ANKRD11: variants seen among roughly 807,000 people sequenced by gnomAD.
ANKRD11 encodes ankyrin repeat domain-containing protein 11.
ANKRD11 carries 17 observed loss-of-function variants against 195.7 expected under a neutral mutation model. The observed-to-expected ratio is 0.09, with a 90% CI of 0.06 to 0.13. The LOEUF (loss-of-function observed/expected upper bound fraction) is 0.13. Ranked by LOEUF, ANKRD11 falls within the 10% of genes least tolerant of loss-of-function variation. The pLI, the probability that ANKRD11 is intolerant of heterozygous loss-of-function variation, is 1.00. For synonymous variants in ANKRD11, 1,953 were observed against 1,528.1 expected (o/e 1.28, Z -6.49); for missense variants, 3,735 against 3,566.1 (o/e 1.05, Z -1.21).
rs747332361 is a variant in ANKRD11, at chr16:89,279,162, C to A, written c.7380G>T (p.Pro2460=). 6.2e-7 allele frequency: 1 copy of A among 1,613,310 alleles called. No homozygotes were observed. Residue 2460 remains proline (P), a synonymous_variant, in exon 9 of 13, where the codon CCG becomes CCT. Transcript: ENST00000301030. The surrounding 1 kb of genome is among the most constrained non-coding windows in gnomAD (Gnocchi z 5.6). The part of the protein sequence containing the change: ...EKRKILCCIT[P]QAPQCYAEYV... Reference sequence around the variant, plus strand: ...ACTCGGCGTAGCACTGGGGCGCCTGCGGCGTGATACAGCACAGGATCTTGC... The same window carrying A: ...ACTCGGCGTAGCACTGGGGCGCCTGAGGCGTGATACAGCACAGGATCTTGC...
intron 2 of ANKRD11, among the ~76,000 whole-genome samples, chr16:89,347,391 C>G (rs754687096): frequency 1.3e-5 from 2 of 152,078 alleles, no homozygotes; most frequent in African/African-American, 4.8e-5. Flanking sequence ...AGGCGGATCA[C>G]GAGGTCAGGA....
At chr16:89,487,725 G>C (rs1335851913) in intron 1 of ANKRD11, among the ~76,000 whole-genome samples, 3 of 152,158 alleles carry the variant, frequency 2.0e-5, no homozygotes, top group Non-Finnish European at 4.4e-5. Flanking sequence ...AATGAGCCAA[G>C]ATTGCGCCAC....
chr16:89,316,403 G>A (rs1048294960), intron 3 of ANKRD11, among the ~76,000 whole-genome samples: 1 of 152,088 alleles, frequency 6.6e-6, no homozygotes, highest in Non-Finnish European at 1.5e-5. Flanking sequence ...CGCCAATACT[G>A]CAGGACAGGA....
At chr16:89,410,849 C>A (rs1323680871) in intron 2 of ANKRD11, among the ~76,000 whole-genome samples, 2 of 152,226 alleles carry the variant, frequency 1.3e-5, no homozygotes, top group African/African-American at 4.8e-5. Flanking sequence ...CCAACTGTGG[C>A]CAGGGCAAGA....
intron 1 of ANKRD11, among the ~76,000 whole-genome samples, chr16:89,458,549 C>T (rs2056535469): frequency 6.6e-6 from 1 of 152,192 alleles, no homozygotes; most frequent in Non-Finnish European, 1.5e-5. Flanking sequence ...TTAGGAATAA[C>T]ATTTTACATT....
chr16:89,484,575 G>A (rs1307275562), intron 1 of ANKRD11, among the ~76,000 whole-genome samples: 3 of 152,286 alleles, frequency 2.0e-5, no homozygotes, highest in African/African-American at 4.8e-5. Context: ...AAGAGCCATA[G>A]GGAGTCGAGG....
chr16:89,460,488 G>A (rs896875785), intron 1 of ANKRD11, among the ~76,000 whole-genome samples: 8 of 152,138 alleles, frequency 5.3e-5, no homozygotes, highest in South Asian at 2.1e-4. Flanking sequence ...GAACTTGGGA[G>A]GTGGGGGATG....
intron 2 of ANKRD11, among the ~76,000 whole-genome samples, chr16:89,346,091 A>C (rs764768652): frequency 3.3e-5 from 5 of 151,778 alleles, no homozygotes; most frequent in Admixed American, 1.3e-4. Flanking sequence ...ACAACACAAA[A>C]AAAAAAAATT....
At chr16:89,371,127 C>T (rs888945393) in intron 2 of ANKRD11, among the ~76,000 whole-genome samples, 9 of 152,262 alleles carry the variant, frequency 5.9e-5, no homozygotes, top group African/African-American at 1.2e-4. Context: ...GAAGACGGGA[C>T]GAGCGTCTTG....
Position 89,288,635 on chromosome 16 carries a change from A to G in ANKRD11, c.637T>C (p.Tyr213His). ...AGCAGCTGCTTCGCGACGTCGTAGT[A>G]GCCCCGGTTACAGGCCTCGTGCAGC... Reference protein sequence around the residue: ...TALHEACNRGYYDVAKQLLAA... With the variant: ...TALHEACNRGHYDVAKQLLAA... Residue 213 changes from tyrosine (Y) to histidine (H), a missense_variant, in exon 7 of 13, where the codon TAC becomes CAC. Tyr to His is a moderately conservative substitution (Grantham distance 83). Coordinates refer to ENST00000301030, the MANE Select transcript of ANKRD11 (RefSeq NM_013275.6). 1.9e-6 allele frequency: 3 copies of G among 1,614,086 alleles called. No homozygotes were observed. The highest frequency in any genetic ancestry group is 2.5e-6 in the Non-Finnish European group (3 of 1,180,026).
chr16:89,354,108 G>A (rs1009979905), intron 2 of ANKRD11, among the ~76,000 whole-genome samples: 35 of 152,132 alleles, frequency 2.3e-4, no homozygotes, highest in African/African-American at 6.8e-4. Flanking sequence ...CTCAGGTGCC[G>A]CCTGCAAGGT....
At chr16:89,319,153 C>T (rs2353033) in intron 2 of ANKRD11, among the ~76,000 whole-genome samples, 78,268 of 152,150 alleles carry the variant, frequency 0.51, 20,631 homozygotes, top group Middle Eastern at 0.68. Flanking sequence ...GTCCACCGTC[C>T]TGATCCCAGA....
At chr16:89,459,583 T>C (rs1251296792) in intron 1 of ANKRD11, 1 of 152,242 alleles carries the variant, frequency 6.6e-6, no homozygotes, top group East Asian at 1.9e-4. Context: ...CTGCATAATA[T>C]GTTTGGTAAA....
rs918068073 is a variant in ANKRD11 at position 89,279,723 on chromosome 16, G to A, written c.6819C>T (p.Gly2273=). ...CTTGTGCCACAGTGTTCGGGGCGGGGCCGTCAGGGGCACAGAGGGACGCGG... is the reference window on the plus strand; with the variant it reads ...CTTGTGCCACAGTGTTCGGGGCGGGACCGTCAGGGGCACAGAGGGACGCGG... ...PPAASLCAPD[G]PAPNTVAQAQ... Residue 2273 remains glycine, a synonymous_variant, in exon 9 of 13, where the codon GGC becomes GGT. Transcript: ENST00000301030. The surrounding 1 kb of genome is among the most constrained non-coding windows in gnomAD (Gnocchi z 5.6). 6.5e-7 allele frequency: 1 copy of A among 1,536,120 alleles called. No homozygotes were observed. Among genetic ancestry groups the A allele is most frequent in the Non-Finnish European group, 8.7e-7 (1 of 1,146,432 alleles).
chr16:89,488,979 CA>C (rs1210157828), intron 1 of ANKRD11: 1 of 152,074 alleles, frequency 6.6e-6, no homozygotes, highest in Non-Finnish European at 1.5e-5. Context: ...GCTGTTAGAC[CA>C]GCTTCATCTT....
intron 1 of ANKRD11, among the ~76,000 whole-genome samples, chr16:89,476,846 A>G (rs1301871259): frequency 5.3e-5 from 2 of 37,740 alleles, no homozygotes; most frequent in Non-Finnish European, 1.3e-4. Context: ...TGTGGAAAAG[A>G]CACAGTCCTG....
At chr16:89,419,407 T>C (rs2042425545) in intron 1 of ANKRD11, among the ~76,000 whole-genome samples, 1 of 150,156 alleles carries the variant, frequency 6.7e-6, no homozygotes, top group Non-Finnish European at 1.5e-5. Flanking sequence ...GAGCTGAGAC[T>C]GCACCACTGC....
intron 4 of ANKRD11, among the ~76,000 whole-genome samples, chr16:89,294,926 G>A (rs550253785): frequency 6.6e-6 from 1 of 152,358 alleles, no homozygotes; most frequent in Non-Finnish European, 1.5e-5. Context: ...GGTAAGAAAA[G>A]GGTGAGAGCA....
intron 1 of ANKRD11, among the ~76,000 whole-genome samples, chr16:89,484,280 A>G (rs1287085553): frequency 6.6e-6 from 1 of 152,218 alleles, no homozygotes; most frequent in African/African-American, 2.4e-5. Flanking sequence ...CATGGTGGAT[A>G]CTAACAAAGC....
Sources: gnomAD v4.1 joint callset for allele counts (sites outside exome capture counted in the v4.1 genomes callset) on GRCh38, gnomAD v4.1.1 for gene constraint, Gnocchi (gnomAD v3.1) non-coding constraint, MANE v1.5 for transcripts, NCBI Gene and HGNC (gene_info 2026-07-23, HGNC 2026-07-21) for gene names.